The following SRRM4 variants were observed in gnomAD, a reference collection of about 807,000 sequenced individuals.
SRRM4 encodes serine/arginine repetitive matrix protein 4.
In SRRM4, 33 loss-of-function variants were observed where a neutral mutation model predicts 68.9. The ratio of observed to expected loss-of-function variants is 0.48; its 90% CI spans 0.36 to 0.64. The LOEUF (loss-of-function observed/expected upper bound fraction) is 0.64, where lower values mean the gene tolerates loss of function less well. Ranked by LOEUF, SRRM4 falls within the 30% of genes least tolerant of loss-of-function variation. The probability of loss-of-function intolerance (pLI) is 0.00; values close to 1 mark genes in which losing one functional copy is unlikely to be tolerated. For synonymous variants in SRRM4, 318 were observed against 318.8 expected (o/e 1.00, Z 0.03); for missense variants, 817 against 827.1 (o/e 0.99, Z 0.15).
intron 1 of SRRM4, among the ~76,000 whole-genome samples, chr12:119,003,527 G>C (rs1050591262): frequency 6.6e-6 from 1 of 151,950 alleles, no homozygotes; most frequent in Non-Finnish European, 1.5e-5. Context: ...TTGTTAAGCA[G>C]GAGAGCTGGT....
chr12:119,068,511 G>T lies in SRRM4; in HGVS notation c.132-33725G>T, dbSNP rs1248047352. 2.0e-5 allele frequency among the ~76,000 whole-genome samples: 3 copies of T among 152,172 alleles called. No homozygotes were observed. The East Asian group carries it at 5.8e-4, about 29-fold the overall frequency. ...AGAAGAGCTGGGCAGCTGCAGTGAG[G>T]GTGGGGGCGCCTCATCCAAACTCCA... On this transcript the variant is annotated intron_variant, in intron 1 of 12. Coordinates refer to ENST00000267260, the MANE Select transcript of SRRM4 (RefSeq NM_194286.4).
Position 119,122,182 on chromosome 12 carries a change from A to T in SRRM4, c.515+62A>T, listed in dbSNP as rs553931298. The T allele has an allele frequency of 1.8e-5, 21 of 1,193,778 alleles. No individual in the cohort carries two copies. In the African/African-American group the frequency reaches 3.2e-4, roughly 18 times the overall value. 73.9% of individuals were successfully genotyped at this position (1,193,778 alleles called of 1,614,324 possible). A position where few individuals can be genotyped will look rare whatever the true frequency, so the allele number is the denominator to read the frequency against. On this transcript the variant is annotated intron_variant, in intron 6 of 12. Transcript: ENST00000267260. ...GAGGAGTTGGGGCATCTGGCTTCTT[A>T]AAAGCCAGAGTCTTAGAGTTGCCAA...
At chr12:119,037,397 G>C (rs1953636535) in intron 1 of SRRM4, among the ~76,000 whole-genome samples, 3 of 152,156 alleles carry the variant, frequency 2.0e-5, no homozygotes, top group Admixed American at 2.0e-4. Flanking sequence ...GGGAGGCAGG[G>C]GGAGAGACAG....
At chr12:119,055,530 G>A (rs954609276) in intron 1 of SRRM4, among the ~76,000 whole-genome samples, 1 of 152,048 alleles carries the variant, frequency 6.6e-6, no homozygotes, top group East Asian at 1.9e-4. Flanking sequence ...ATTCCTCCCC[G>A]CAAGACTGAA....
intron 1 of SRRM4, among the ~76,000 whole-genome samples, chr12:119,043,364 G>T (rs998777140): frequency 6.6e-6 from 1 of 151,760 alleles, no homozygotes; most frequent in African/African-American, 2.4e-5. Context: ...ACAGGGAGGG[G>T]AACAGGGGAA....
intron 8 of SRRM4, among the ~76,000 whole-genome samples, chr12:119,139,190 C>T (rs1011538182): frequency 3.3e-5 from 5 of 152,152 alleles, no homozygotes; most frequent in African/African-American, 1.2e-4. Context: ...CTGTTTGCAC[C>T]TTATGTGCCA....
chr12:119,116,755 T>C (rs1954182440), intron 3 of SRRM4, 182 bp from the exon 4 acceptor site: 2 of 541,328 alleles, frequency 3.7e-6, no homozygotes, highest in African/African-American at 1.9e-5. Context: ...AAAAGTAAAA[T>C]TAAATTTGTG....
In SRRM4 at chr12:119,151,136, G is replaced by A. The variant is rs753604308; in HGVS notation, c.1196G>A (p.Arg399Gln). Residue 399 changes from arginine to glutamine, a missense_variant, in exon 10 of 13, where the codon CGA (arginine) becomes CAA (glutamine). Arg to Gln is a conservative substitution (Grantham distance 43, BLOSUM62 1). Coordinates refer to ENST00000267260, the MANE Select transcript of SRRM4 (RefSeq NM_194286.4). ...CSRSSSYASTRSSSHSSRSPN... is the reference protein window; with the variant it reads ...CSRSSSYASTQSSSHSSRSPN... ...CGCAGCTCCTCCTATGCCAGCACCC[G>A]ATCCTCCAGTCACTCGTCCCGATCC... 198 of 1,613,914 alleles carry A rather than the reference G, an allele frequency of 1.2e-4. 2 individuals are homozygous for A. Among genetic ancestry groups the A allele is most frequent in the South Asian group, 6.6e-4 (60 of 91,082 alleles).
At chr12:119,103,881 G>A (rs1294011692) in intron 2 of SRRM4, among the ~76,000 whole-genome samples, 1 of 152,184 alleles carries the variant, frequency 6.6e-6, no homozygotes, top group Non-Finnish European at 1.5e-5. Flanking sequence ...GTGCACACCT[G>A]TAATCCCAGC....
Position 119,154,185 on chromosome 12 carries a change from C to T in SRRM4, c.1392-58C>T. On this transcript the variant is annotated intron_variant, in intron 11 of 12. Coordinates refer to ENST00000267260, the MANE Select transcript of SRRM4 (RefSeq NM_194286.4). The surrounding 1 kb of genome is among the most constrained non-coding windows in gnomAD (Gnocchi z 4.7). ...AAAGGGAGTGTCCCTCTCCCACGCG[C>T]TCACGCAGAAAATCCAGCCCAGCCC... The T allele has an allele frequency of 6.6e-7, 1 of 1,506,932 alleles. No homozygotes were observed. The highest frequency in any genetic ancestry group is 9.0e-7 in the Non-Finnish European group (1 of 1,106,772). The allele number at this position is 1,506,932 out of a possible 1,614,324, so 93.3% of individuals were successfully genotyped here.
chr12:119,125,415 C>T lies in SRRM4; in HGVS notation c.550C>T (p.Arg184Cys), dbSNP rs769083054. ...RSRPRKSHRH[R>C]HHRCPSRSQS... ...CCGGCCCCGAAAGTCTCACCGCCAC[C>T]GCCATCACCGCTGCCCCTCGCGGTC... The change falls in exon 7 of 13, where the codon CGC becomes TGC. Residue 184 changes from arginine to cysteine, a missense_variant. Physicochemically the swap from Arg to Cys is radical, Grantham distance 180. Coordinates refer to ENST00000267260, the MANE Select transcript of SRRM4 (RefSeq NM_194286.4). 9 of 1,613,548 alleles carry T rather than the reference C, an allele frequency of 5.6e-6. No individual in the cohort carries two copies. Among genetic ancestry groups the T allele is most frequent in the Admixed American group, 5.0e-5 (3 of 59,980 alleles).
At chr12:119,144,798 C>CA (rs531916028) in intron 8 of SRRM4, among the ~76,000 whole-genome samples, 254 of 151,938 alleles carry the variant, frequency 1.7e-3, no homozygotes, top group Non-Finnish European at 1.6e-3. Flanking sequence ...AAACAAAAAA[C>CA]AAACTCTCAT....
intron 2 of SRRM4, among the ~76,000 whole-genome samples, chr12:119,109,196 T>G (rs1268481253): frequency 6.6e-6 from 1 of 152,198 alleles, no homozygotes; most frequent in East Asian, 1.9e-4. Context: ...GATCAGCTGT[T>G]AGTCTGATGG....
At position 119,068,763 on chromosome 12, in the gene SRRM4, G is replaced by A. The variant is rs541057924; in HGVS notation, c.132-33473G>A. Among the ~76,000 whole-genome samples, 58 of 152,172 alleles carry A rather than the reference G, an allele frequency of 3.8e-4. No individual in the cohort carries two copies. In the South Asian group the frequency reaches 0.012, roughly 31 times the overall value. On this transcript the variant is annotated intron_variant, in intron 1 of 12. Transcript: ENST00000267260. ...GGATTTCCAAAGCCAAGAGATAAAA[G>A]CACACTTGTTCCCACTAATTGATCT... is the stretch of plus-strand genomic sequence containing the variant.
chr12:119,091,110 C>T (rs1954011812), intron 1 of SRRM4, among the ~76,000 whole-genome samples: 1 of 152,214 alleles, frequency 6.6e-6, no homozygotes, highest in African/African-American at 2.4e-5. Flanking sequence ...GCCTCAGCCT[C>T]TGGCACGAGT....
In SRRM4 at chr12:119,019,199, A is replaced by G. The variant is rs903418903; in HGVS notation, c.131+37186A>G. On this transcript the variant is annotated intron_variant, in intron 1 of 12. Coordinates refer to ENST00000267260, the MANE Select transcript of SRRM4 (RefSeq NM_194286.4). Reference sequence around the variant, plus strand: ...TCAATGTGTCATAAATCAAATTCTAATTCAAATGCTCTGGGGGCCAGCTAC... The same window carrying G: ...TCAATGTGTCATAAATCAAATTCTAGTTCAAATGCTCTGGGGGCCAGCTAC... Among the ~76,000 whole-genome samples the G allele has an allele frequency of 2.6e-5, 4 of 152,232 alleles. No individual in the cohort carries two copies. The East Asian group carries it at 7.7e-4, about 29-fold the overall frequency.
intron 1 of SRRM4, among the ~76,000 whole-genome samples, chr12:119,087,046 G>A (rs1265597452): frequency 2.6e-5 from 4 of 152,204 alleles, no homozygotes; most frequent in African/African-American, 7.2e-5. Flanking sequence ...CCCAAGAGGT[G>A]TACTATGGTG....
chr12:119,067,694 C>T (rs964082277), intron 1 of SRRM4, among the ~76,000 whole-genome samples: 8 of 151,674 alleles, frequency 5.3e-5, no homozygotes, highest in Admixed American at 1.3e-4. Context: ...GGTGACATAA[C>T]GAGATTTCAT....
chr12:119,043,622 G>A (rs1387205365), intron 1 of SRRM4, among the ~76,000 whole-genome samples: 2 of 152,056 alleles, frequency 1.3e-5, no homozygotes, highest in African/African-American at 4.8e-5. Context: ...GGAGACCAAG[G>A]AAGTCAGCAG....
Sources: gnomAD v4.1 joint callset for allele counts (sites outside exome capture counted in the v4.1 genomes callset) on GRCh38, gnomAD v4.1.1 for gene constraint, Gnocchi (gnomAD v3.1) non-coding constraint, MANE v1.5 for transcripts, NCBI Gene and HGNC (gene_info 2026-07-23, HGNC 2026-07-21) for gene names.